Variants in BMP6 observed in about 807,000 individuals in gnomAD.
BMP6 encodes bone morphogenetic protein 6.
In BMP6, 17 loss-of-function variants were observed where a neutral mutation model predicts 54.1. The ratio of observed to expected loss-of-function variants is 0.31; its 90% CI spans 0.22 to 0.47. The LOEUF is 0.47. BMP6 is among the 20% of genes least tolerant of loss of function. The probability of loss-of-function intolerance (pLI) is 1.00; values close to 1 mark genes in which losing one functional copy is unlikely to be tolerated. For missense variants in BMP6, 720 were observed against 690.4 expected (o/e 1.04, Z -0.48); for synonymous variants, 328 against 291.2 (o/e 1.13, Z -1.28).
chr6:7,877,475 T>C (rs1759638813), intron 4 of BMP6, among the ~76,000 whole-genome samples: 1 of 152,030 alleles, frequency 6.6e-6, no homozygotes, highest in Non-Finnish European at 1.5e-5. Flanking sequence ...TACAAAAAAT[T>C]AGCTGGGCAT....
intron 1 of BMP6, among the ~76,000 whole-genome samples, chr6:7,827,226 C>T (rs538440661): frequency 2.6e-4 from 39 of 152,340 alleles, no homozygotes; most frequent in South Asian, 8.3e-4. Flanking sequence ...CTGACCCCGT[C>T]GCCCCCTGTG....
chr6:7,810,835 A>G (rs1453162609), intron 1 of BMP6, among the ~76,000 whole-genome samples: 4 of 152,162 alleles, frequency 2.6e-5, no homozygotes, highest in Non-Finnish European at 4.4e-5. Flanking sequence ...CTAGGCCAAC[A>G]CTGATTCTTG....
chr6:7,807,984 G>A lies in BMP6; in HGVS notation c.665-37156G>A, dbSNP rs557070480. On this transcript the variant is annotated intron_variant, in intron 1 of 6. Transcript: ENST00000283147. ...TGCCCAGGCTGGAGTGCAGTGGCAC[G>A]ATCTCAGCTCACTGCAATCTCCACT... Among the ~76,000 whole-genome samples, 61 of 138,170 alleles carry A rather than the reference G, an allele frequency of 4.4e-4. No individual in the cohort carries two copies. The East Asian group carries it at 8.4e-3, about 19-fold the overall frequency. The allele number at this position is 138,170 out of a possible 152,430, so 90.6% of individuals were successfully genotyped here.
chr6:7,787,454 A>T (rs546297774), intron 1 of BMP6, among the ~76,000 whole-genome samples: 38 of 152,336 alleles, frequency 2.5e-4, no homozygotes, highest in Non-Finnish European at 4.3e-4. Flanking sequence ...CTTGGCTCAG[A>T]CACTGGATTT....
chr6:7,787,032 A>G (rs1234803850), intron 1 of BMP6, among the ~76,000 whole-genome samples: 1 of 152,184 alleles, frequency 6.6e-6, no homozygotes, highest in Non-Finnish European at 1.5e-5. Context: ...TCTCTAAACT[A>G]AAGTGACGAG....
chr6:7,849,936 C>T (rs908744114), intron 2 of BMP6, among the ~76,000 whole-genome samples: 1 of 152,162 alleles, frequency 6.6e-6, no homozygotes, highest in Non-Finnish European at 1.5e-5. Context: ...TGAAGAATTA[C>T]CAAATTTAAA....
chr6:7,763,649 T>G (rs144166149), intron 1 of BMP6, among the ~76,000 whole-genome samples: 2 of 152,294 alleles, frequency 1.3e-5, no homozygotes, highest in African/African-American at 4.8e-5. Context: ...GAACCTCTGA[T>G]GGACTCCACT....
intron 1 of BMP6, among the ~76,000 whole-genome samples, chr6:7,772,058 A>G (rs1317174612): frequency 4.0e-5 from 6 of 151,434 alleles, no homozygotes; most frequent in African/African-American, 1.5e-4. Context: ...CCTCAAAAAA[A>G]AAAACCAAAA....
rs959862588 is a variant in BMP6 at position 7,832,716 on chromosome 6, C to T, written c.665-12424C>T. Among the ~76,000 whole-genome samples the T allele has an allele frequency of 2.0e-5, 3 of 148,750 alleles. No individual in the cohort carries two copies. In the Admixed American group the frequency reaches 2.0e-4, roughly 10 times the overall value. ...ATATAAGAACACTGATGTACCTACC[C>T]TTGTTTTATGGCTTTAATTATCTAG... is the stretch of plus-strand genomic sequence containing the variant. On this transcript the variant is annotated intron_variant, in intron 1 of 6. Transcript: ENST00000283147.
At chr6:7,727,970 C>T (rs1191242516) in intron 1 of BMP6, among the ~76,000 whole-genome samples, 1 of 152,058 alleles carries the variant, frequency 6.6e-6, no homozygotes. Flanking sequence ...GTTAACTCAA[C>T]TGCAGCAGGA....
chr6:7,822,242 A>G (rs920496584), intron 1 of BMP6, among the ~76,000 whole-genome samples: 2 of 152,038 alleles, frequency 1.3e-5, no homozygotes, highest in African/African-American at 4.8e-5. Context: ...CTGGTCTCGA[A>G]CTCCTGACCT....
chr6:7,784,594 T>A (rs1757996020), intron 1 of BMP6, among the ~76,000 whole-genome samples: 1 of 151,876 alleles, frequency 6.6e-6, no homozygotes, highest in Admixed American at 6.6e-5. Flanking sequence ...AGAGTTGCTT[T>A]AAAAAAAAAT....
chr6:7,764,317 G>T (rs905945588), intron 1 of BMP6, among the ~76,000 whole-genome samples: 1 of 152,200 alleles, frequency 6.6e-6, no homozygotes, highest in Non-Finnish European at 1.5e-5. Context: ...AAGGGAACTT[G>T]TATCTTTTTC....
In BMP6 at chr6:7,869,729, G is replaced by A. The variant is rs146326073; in HGVS notation, c.1204+7231G>A. 4.1e-3 allele frequency among the ~76,000 whole-genome samples: 617 copies of A among 152,294 alleles called. 3 individuals are homozygous for A. Among genetic ancestry groups the A allele is most frequent in the African/African-American group, 0.014 (596 of 41,554 alleles). On this transcript the variant is annotated intron_variant, in intron 4 of 6. Transcript: ENST00000283147. ...GGGGAGACCAGGACTTAAGGTCGGG[G>A]AGCAGAGGCTATCAGCAAGGAAGCT...
At chr6:7,845,118 T>C (rs1561789853) in intron 1 of BMP6, 22 bp from the exon 2 acceptor site, 1 of 1,594,364 alleles carries the variant, frequency 6.3e-7, no homozygotes, top group Non-Finnish European at 8.6e-7. Context: ...TAGTTGTCAC[T>C]CTCTCTTGTT....
At position 7,813,108 on chromosome 6, in the gene BMP6, AATATAT is replaced by A. The variant is rs1182296124; in HGVS notation, c.665-31996_665-31991del. Among the ~76,000 whole-genome samples, 191 of 21,380 alleles carry A rather than the reference AATATAT, an allele frequency of 8.9e-3. 2 individuals are homozygous for A. The highest frequency in any genetic ancestry group is 0.02 in the East Asian group (8 of 406). 14.0% of individuals were successfully genotyped at this position (21,380 alleles called of 152,430 possible). ...CTACAAAAAAAAAAAAAAAAAAAAA[AATATAT>A]ATATATATATATATATATATATATA... On this transcript the variant is annotated intron_variant, in intron 1 of 6. Transcript: ENST00000283147.
At chr6:7,813,880 G>A (rs1758483776) in intron 1 of BMP6, among the ~76,000 whole-genome samples, 1 of 152,104 alleles carries the variant, frequency 6.6e-6, no homozygotes, top group Admixed American at 6.5e-5. Context: ...CCTCTACGGA[G>A]GGAAAGCCCA....
intron 1 of BMP6, among the ~76,000 whole-genome samples, chr6:7,811,552 C>G (rs537549366): frequency 5.9e-5 from 9 of 152,190 alleles, no homozygotes; most frequent in Non-Finnish European, 1.0e-4. Context: ...CTGACCCACC[C>G]TTTGAAATGA....
intron 1 of BMP6, among the ~76,000 whole-genome samples, chr6:7,793,707 A>G (rs747418): frequency 0.27 from 41,642 of 152,086 alleles, 6,505 homozygotes; most frequent in East Asian, 0.53. Flanking sequence ...AAAGCCTATT[A>G]AAAAACAAAG....
Sources: gnomAD v4.1 joint callset for allele counts (sites outside exome capture counted in the v4.1 genomes callset) on GRCh38, gnomAD v4.1.1 for gene constraint, MANE v1.5 for transcripts, NCBI Gene and HGNC (gene_info 2026-07-23, HGNC 2026-07-21) for gene names.